CDC20B: variants seen among roughly 807,000 people sequenced by gnomAD.
CDC20B encodes the protein cell division cycle 20B.
In CDC20B, 58 loss-of-function variants were observed where a neutral mutation model predicts 64.1. The ratio of observed to expected loss-of-function variants is 0.90; its 90% confidence interval spans 0.73 to 1.13. CDC20B has a LOEUF of 1.13. CDC20B is among the 50% of genes most tolerant of loss of function. CDC20B has a pLI of 0.00. For missense variants in CDC20B, 597 were observed against 633.0 expected, an observed-to-expected ratio of 0.94 and a Z score of 0.61; for synonymous variants, 243 against 230.6, an observed-to-expected ratio of 1.05 and a Z score of -0.49.
In CDC20B at chr5:55,163,498, A is replaced by AT. The variant is rs1010775884; in HGVS notation, c.126+9089dup. ...CAATTTGGGATTACAACTTTGCTTC[A>AT]TTTTTTTTGGCTTTTAATTTTATTT... On this transcript the variant is annotated intron_variant, in intron 2 of 11. Coordinates refer to ENST00000381375, the MANE Select transcript of CDC20B (RefSeq NM_001170402.1). Among the ~76,000 whole-genome samples the AT allele has an allele frequency of 1.6e-4, 25 of 151,520 alleles. 1 individual carries two copies. The highest frequency in any genetic ancestry group is 4.4e-4 in the African/African-American group (18 of 41,348).
intron 4 of CDC20B, among the ~76,000 whole-genome samples, chr5:55,142,545 AG>A (rs1200287590): frequency 6.6e-6 from 1 of 152,136 alleles, no homozygotes; most frequent in Admixed American, 6.5e-5. Context: ...GGAAGTCTTA[AG>A]GGGTAGGGCA....
chr5:55,124,877 T>A lies in CDC20B; in HGVS notation c.1141A>T (p.Ile381Leu), dbSNP rs757661041. Reference protein sequence around the residue: ...SSGCSDGLLTIWPHDPGASAQ... With the variant: ...SSGCSDGLLTLWPHDPGASAQ... ...CTGGCACCTGGATCGTGGGGCCATA[T>A]TGTCAGCAGTCCATCACTGCAGCCG... is the stretch of plus-strand genomic sequence containing the variant. The change falls in exon 9 of 12, where the codon ATA becomes TTA. Residue 381 changes from isoleucine to leucine, a missense_variant. Around this residue, in one of 3 missense-constraint regions of CDC20B, gnomAD observed 353 missense variants for 397.0 expected, o/e 0.89. Coordinates refer to ENST00000381375, the MANE Select transcript of CDC20B (RefSeq NM_001170402.1). The A allele has an allele frequency of 6.2e-7, 1 of 1,614,178 alleles. No individual in the cohort carries two copies. Among genetic ancestry groups the A allele is most frequent in the Non-Finnish European group, 8.5e-7 (1 of 1,180,028 alleles).
intron 11 of CDC20B, among the ~76,000 whole-genome samples, chr5:55,117,108 G>A (rs1742642063): frequency 6.6e-6 from 1 of 152,156 alleles, no homozygotes; most frequent in Non-Finnish European, 1.5e-5. Context: ...ATGAAACCAA[G>A]CCAAAGGCCA....
At chr5:55,167,895 G>A (rs915622371) in intron 2 of CDC20B, among the ~76,000 whole-genome samples, 8 of 151,920 alleles carry the variant, frequency 5.3e-5, no homozygotes, top group Admixed American at 1.3e-4. Context: ...AGCCAGGTGC[G>A]GTAGCACACA....
chr5:55,146,579 TC>T (rs775695518), intron 3 of CDC20B, 48 bp downstream of exon 3: 24 of 1,289,330 alleles, frequency 1.9e-5, no homozygotes, highest in Admixed American at 1.2e-4. Context: ...CAGGAATATA[TC>T]TTTTATTCAC....
rs765994754 is a variant in CDC20B at position 55,114,364 on chromosome 5, G to A, written c.1460-46C>T. The A allele has an allele frequency of 6.8e-6, 11 of 1,607,102 alleles. No individual in the cohort carries two copies. The East Asian group carries it at 1.6e-4, about 23-fold the overall frequency. ...AGTTCATACTCCTCCACGTTACATG[G>A]GCTGCTGCTCAGGACTGTAGGCAAT... is the stretch of plus-strand genomic sequence containing the variant. On this transcript the variant is annotated intron_variant, in intron 11 of 11. Transcript: ENST00000381375. The surrounding 1 kb of genome is among the most constrained non-coding windows in gnomAD (Gnocchi z 4.1).
intron 2 of CDC20B, among the ~76,000 whole-genome samples, chr5:55,157,548 C>T (rs233625): frequency 0.63 from 95,358 of 152,094 alleles, 30,259 homozygotes; most frequent in Admixed American, 0.71. Context: ...AGGAGATATA[C>T]ACGTAAGTTT....
At chr5:55,142,782 A>G (rs979726507) in intron 4 of CDC20B, among the ~76,000 whole-genome samples, 3 of 152,188 alleles carry the variant, frequency 2.0e-5, no homozygotes, top group Admixed American at 6.5e-5. Context: ...TATGAACAAT[A>G]TTTTATTATT....
chr5:55,131,893 C>T (rs913509297), intron 6 of CDC20B, among the ~76,000 whole-genome samples: 1 of 151,946 alleles, frequency 6.6e-6, no homozygotes, highest in African/African-American at 2.4e-5. Context: ...GGTGAAACTC[C>T]ATCTCTACTA....
chr5:55,169,231 T>C (rs956866511), intron 2 of CDC20B, among the ~76,000 whole-genome samples: 1 of 152,214 alleles, frequency 6.6e-6, no homozygotes, highest in African/African-American at 2.4e-5. Flanking sequence ...TTGAAAGTAG[T>C]AAAATGCGTA....
rs1325370521 is a variant in CDC20B at position 55,118,138 on chromosome 5, AAAAAG to A, written c.1459+1658_1459+1662del. On this transcript the variant is annotated intron_variant, in intron 11 of 11. Coordinates refer to ENST00000381375, the MANE Select transcript of CDC20B (RefSeq NM_001170402.1). ...TGTCTCAAAAAAAATAAATAAAAAG[AAAAAG>A]AAAAGAAGAAGAAAAAACTGTTCTA... is the stretch of plus-strand genomic sequence containing the variant. 2.0e-5 allele frequency among the ~76,000 whole-genome samples: 3 copies of A among 152,134 alleles called. No individual in the cohort carries two copies. In the South Asian group the frequency reaches 6.2e-4, roughly 32 times the overall value.
chr5:55,130,749 T>C (rs1057027505), intron 6 of CDC20B, among the ~76,000 whole-genome samples: 27 of 152,326 alleles, frequency 1.8e-4, no homozygotes, highest in South Asian at 8.3e-4. Context: ...GGAGCCATTT[T>C]TTCCTCTTAA....
intron 9 of CDC20B, among the ~76,000 whole-genome samples, chr5:55,122,407 G>T (rs1742780491): frequency 6.6e-6 from 1 of 151,930 alleles, no homozygotes; most frequent in Non-Finnish European, 1.5e-5. Flanking sequence ...AAAGTGCTGG[G>T]ATTACAGGCA....
intron 2 of CDC20B, chr5:55,166,118 C>G (rs1456500587): frequency 1.3e-5 from 2 of 152,264 alleles, no homozygotes; most frequent in Admixed American, 6.5e-5. Flanking sequence ...GAACTCATAG[C>G]AGTGCTGTGG....
At chr5:55,171,692 G>A (rs957665654) in intron 2 of CDC20B, among the ~76,000 whole-genome samples, 1 of 152,024 alleles carries the variant, frequency 6.6e-6, no homozygotes, top group African/African-American at 2.4e-5. Flanking sequence ...AGCCTTGAAC[G>A]CCTGGGCTCA....
At chr5:55,135,663 T>C (rs1460603340) in intron 5 of CDC20B, 1 of 151,980 alleles carries the variant, frequency 6.6e-6, no homozygotes. Flanking sequence ...TTGTCCAATC[T>C]GCAGCCCACA....
chr5:55,127,646 A>G (rs1310084708), intron 7 of CDC20B, among the ~76,000 whole-genome samples: 2 of 152,132 alleles, frequency 1.3e-5, no homozygotes, highest in Non-Finnish European at 2.9e-5. Flanking sequence ...TTATTACCAC[A>G]TTTCTAGCTC....
chr5:55,133,955 G>A lies in CDC20B; in HGVS notation c.581-427C>T, dbSNP rs376727809. Among the ~76,000 whole-genome samples the A allele has an allele frequency of 2.3e-4, 35 of 152,120 alleles. No individual in the cohort carries two copies. The South Asian group carries it at 4.2e-3, about 18-fold the overall frequency. On this transcript the variant is annotated intron_variant, in intron 5 of 11. Coordinates refer to ENST00000381375, the MANE Select transcript of CDC20B (RefSeq NM_001170402.1). Reference sequence around the variant, plus strand: ...TTCATCAATAAATATTTATTGATTCGTTGATTTTAGCTCTTTCTCTCAATA... The same window carrying A: ...TTCATCAATAAATATTTATTGATTCATTGATTTTAGCTCTTTCTCTCAATA...
chr5:55,131,499 C>T (rs182972305), intron 6 of CDC20B, among the ~76,000 whole-genome samples: 2 of 152,256 alleles, frequency 1.3e-5, no homozygotes, highest in East Asian at 1.9e-4. Flanking sequence ...ACAAAAGACA[C>T]TCTTGGACAA....
Sources: gnomAD v4.1 joint callset for allele counts (sites outside exome capture counted in the v4.1 genomes callset) on GRCh38, gnomAD v4.1.1 for gene constraint, gnomAD v4.1.1 regional missense constraint, Gnocchi (gnomAD v3.1) non-coding constraint, MANE v1.5 for transcripts, NCBI Gene and HGNC (gene_info 2026-07-23, HGNC 2026-07-21) for gene names.